GALNTL6: variants seen among roughly 807,000 people sequenced by gnomAD.
GALNTL6 encodes the protein polypeptide N-acetylgalactosaminyltransferase-like 6.
GALNTL6 carries 46 observed loss-of-function variants against 73.7 expected under a neutral mutation model. The observed-to-expected ratio is 0.62, with a 90% CI of 0.49 to 0.80. The LOEUF (loss-of-function observed/expected upper bound fraction) is 0.80, where lower values mean the gene tolerates loss of function less well. GALNTL6 is among the 30% of genes least tolerant of loss of function. GALNTL6 has a pLI of 0.00. For synonymous variants in GALNTL6, 259 were observed against 263.7 expected (o/e 0.98, Z 0.17); for missense variants, 604 against 755.0 (o/e 0.80, Z 2.34).
chr4:172,365,671 C>T (rs1037569441), intron 5 of GALNTL6, among the ~76,000 whole-genome samples: 1 of 150,108 alleles, frequency 6.7e-6, no homozygotes, highest in Non-Finnish European at 1.5e-5. Context: ...CTTATAAATT[C>T]GTGAGTTTAT....
chr4:172,000,753 G>A (rs1217057423), intron 2 of GALNTL6, among the ~76,000 whole-genome samples: 2 of 152,144 alleles, frequency 1.3e-5, no homozygotes, highest in African/African-American at 4.8e-5. Flanking sequence ...ATTCTGCTTA[G>A]TGCAGTCAAT....
intron 10 of GALNTL6, among the ~76,000 whole-genome samples, chr4:173,005,577 A>T (rs1339775752): frequency 6.6e-6 from 1 of 152,206 alleles, no homozygotes; most frequent in Non-Finnish European, 1.5e-5. Flanking sequence ...AATCAGTTCT[A>T]TTAGAATTGT....
chr4:171,813,747 C>G lies in GALNTL6; in HGVS notation c.-413C>G, dbSNP rs994647793. On this transcript the variant is annotated 5_prime_UTR_variant, in exon 1 of 13. Transcript: ENST00000506823. The surrounding 1 kb of genome is among the most constrained non-coding windows in gnomAD (Gnocchi z 5.2). ...AGAGGATCGCATTCCGAGGACCGCG[C>G]GAGGAAGGGACGTCGCGGCGCCACC... 16 of 152,240 alleles carry G rather than the reference C, an allele frequency of 1.1e-4. No homozygotes were observed. Among genetic ancestry groups the G allele is most frequent in the African/African-American group, 3.4e-4 (14 of 41,456 alleles). The allele number at this position is 152,240 out of a possible 1,614,324, so 9.4% of individuals were successfully genotyped here. A position where few individuals can be genotyped will look rare whatever the true frequency, so the allele number is the denominator to read the frequency against.
At chr4:172,354,817 C>A (rs932550763) in intron 5 of GALNTL6, among the ~76,000 whole-genome samples, 1 of 152,050 alleles carries the variant, frequency 6.6e-6, no homozygotes. Context: ...TCTTCAGAAA[C>A]AACAGAATTT....
rs532723286 is a variant in GALNTL6 at position 171,877,711 on chromosome 4, T to C, written c.138+62993T>C. On this transcript the variant is annotated intron_variant, in intron 2 of 12. Transcript: ENST00000506823. ...TTAAGTACTATGTTAATATTGGTGA[T>C]GCTTTTCCGGAAACGGAACTGCTTG... is the stretch of plus-strand genomic sequence containing the variant. Among the ~76,000 whole-genome samples the C allele has an allele frequency of 1.1e-3, 167 of 152,274 alleles. 2 individuals carry two copies. The highest frequency in any genetic ancestry group is 3.9e-3 in the African/African-American group (162 of 41,556).
At chr4:172,005,620 A>G (rs1235135595) in intron 2 of GALNTL6, among the ~76,000 whole-genome samples, 1 of 152,118 alleles carries the variant, frequency 6.6e-6, no homozygotes, top group Non-Finnish European at 1.5e-5. Flanking sequence ...GTGTGTGTAT[A>G]TATTTACACA....
chr4:172,083,788 C>T (rs1322582483), intron 2 of GALNTL6, among the ~76,000 whole-genome samples: 4 of 152,118 alleles, frequency 2.6e-5, no homozygotes, highest in Non-Finnish European at 5.9e-5. Flanking sequence ...GCATAAGCTA[C>T]ATTAGGGCAG....
chr4:171,908,742 C>G (rs1263874952), intron 2 of GALNTL6, among the ~76,000 whole-genome samples: 1 of 150,842 alleles, frequency 6.6e-6, no homozygotes, highest in Non-Finnish European at 1.5e-5. Flanking sequence ...TTGGAACCAA[C>G]CCAAATGTCC....
chr4:171,977,941 G>A (rs76665033), intron 2 of GALNTL6, among the ~76,000 whole-genome samples: 4,101 of 152,104 alleles, frequency 0.027, 141 homozygotes, highest in African/African-American at 0.076. Context: ...TTAGGTTGCC[G>A]TAAAAGTAAT....
intron 7 of GALNTL6, among the ~76,000 whole-genome samples, chr4:172,856,587 A>C (rs1237159757): frequency 1.3e-5 from 2 of 152,202 alleles, no homozygotes; most frequent in Non-Finnish European, 2.9e-5. Flanking sequence ...ACAAGAAAAC[A>C]ATCTCCTTCT....
In GALNTL6 at chr4:172,380,255, G is replaced by A. The variant is rs1191727762; in HGVS notation, c.553+31566G>A. 8.0e-6 allele frequency: 7 copies of A among 872,940 alleles called. No homozygotes were observed. In the East Asian group the frequency reaches 1.5e-4, roughly 18 times the overall value. The allele number at this position is 872,940 out of a possible 1,614,324, so 54.1% of individuals were successfully genotyped here. ...TATTCTCCCCAACTTGTCTACATTA[G>A]GATGACAAATTTTGGTCATAAAACG... On this transcript the variant is annotated intron_variant, in intron 5 of 12. Transcript: ENST00000506823.
intron 5 of GALNTL6, among the ~76,000 whole-genome samples, chr4:172,451,101 C>A (rs1348748117): frequency 6.6e-6 from 1 of 152,142 alleles, no homozygotes; most frequent in Non-Finnish European, 1.5e-5. Flanking sequence ...AAACAGGTCT[C>A]TATTCTCTAT....
At position 172,809,383 on chromosome 4, in the gene GALNTL6, A is replaced by C. The variant is rs770486969; in HGVS notation, c.576A>C (p.Glu192Asp). ...TAGAACACCTGAAGGATAAATTGGA[A>C]GAATACATGGCCCGATTTTCCAAAG... is the stretch of plus-strand genomic sequence containing the variant. ...SEREHLKDKL[E>D]EYMARFSKVR... The change falls in exon 6 of 13, where the codon GAA (glutamate) becomes GAC (aspartate). Residue 192 changes from glutamate to aspartate, a missense_variant. By Grantham distance (45) the Glu-to-Asp change is conservative (BLOSUM62 2). Around this residue, in one of 5 missense-constraint regions of GALNTL6, gnomAD observed 179 missense variants for 230.8 expected, o/e 0.78. Transcript: ENST00000506823. The surrounding 1 kb of genome is among the most constrained non-coding windows in gnomAD (Gnocchi z 4.4). 3.7e-6 allele frequency: 6 copies of C among 1,613,818 alleles called. No homozygotes were observed. The Admixed American group carries it at 8.3e-5, about 22-fold the overall frequency.
chr4:172,610,505 G>T (rs1357649897), intron 5 of GALNTL6, among the ~76,000 whole-genome samples: 1 of 152,224 alleles, frequency 6.6e-6, no homozygotes, highest in South Asian at 2.1e-4. Flanking sequence ...AATTTTGAGT[G>T]ACCTTCTTGG....
intron 5 of GALNTL6, among the ~76,000 whole-genome samples, chr4:172,798,540 A>G (rs1206267343): frequency 1.3e-5 from 2 of 152,166 alleles, no homozygotes; most frequent in African/African-American, 4.8e-5. Flanking sequence ...TGCTTCTTAT[A>G]TAGCCTATGG....
chr4:172,308,354 C>G (rs190667497), intron 3 of GALNTL6, among the ~76,000 whole-genome samples: 1 of 151,898 alleles, frequency 6.6e-6, no homozygotes, highest in Admixed American at 6.6e-5. Flanking sequence ...CTAGGACTTC[C>G]AGGACTATGT....
intron 5 of GALNTL6, among the ~76,000 whole-genome samples, chr4:172,605,897 A>T (rs988618907): frequency 5.9e-5 from 9 of 152,110 alleles, no homozygotes; most frequent in African/African-American, 2.2e-4. Flanking sequence ...ATAGGATACC[A>T]TCTCACAGAT....
At chr4:172,583,944 A>C (rs1211817873) in intron 5 of GALNTL6, among the ~76,000 whole-genome samples, 1 of 151,602 alleles carries the variant, frequency 6.6e-6, no homozygotes, top group East Asian at 1.9e-4. Context: ...AGTAGAACGC[A>C]ATGTAAACTG....
chr4:172,467,859 TTTCTTTCC>T (rs1221806167), intron 5 of GALNTL6, among the ~76,000 whole-genome samples: 20 of 107,434 alleles, frequency 1.9e-4, no homozygotes, highest in Non-Finnish European at 3.4e-4. Flanking sequence ...TCTTTCTTTC[TTTCTTTCC>T]TTCTTTCCTT....
Sources: allele counts gnomAD v4.1 joint callset (sites outside exome capture counted in the v4.1 genomes callset), GRCh38; gene constraint gnomAD v4.1.1; regional missense constraint gnomAD v4.1.1; non-coding constraint Gnocchi (gnomAD v3.1); transcripts MANE v1.5; gene names NCBI Gene and HGNC (gene_info 2026-07-23, HGNC 2026-07-21).